TNKS: variants seen among roughly 807,000 people sequenced by gnomAD.
TNKS encodes tankyrase, also known as poly [ADP-ribose] polymerase tankyrase-1.
Under a neutral mutation model 135.8 loss-of-function variants are expected in TNKS, and 72 were observed. That is an observed-to-expected ratio of 0.53 (90% CI 0.44 to 0.64). The LOEUF (loss-of-function observed/expected upper bound fraction) is 0.64, where lower values mean the gene tolerates loss of function less well. Among genes scored for constraint, TNKS ranks in the 30% least tolerant of loss-of-function variants. TNKS has a pLI of 0.00. For missense variants in TNKS, 1,769 were observed against 1,674.0 expected (o/e 1.06, Z -0.99); for synonymous variants, 849 against 649.3 (o/e 1.31, Z -4.68).
intron 5 of TNKS, among the ~76,000 whole-genome samples, chr8:9,682,183 C>T (rs1448972868): frequency 1.3e-5 from 2 of 152,040 alleles, no homozygotes; most frequent in Non-Finnish European, 2.9e-5. Context: ...AGAAAAGGGC[C>T]TTCTTATCTG....
At chr8:9,705,078 A>G (rs780455740) in intron 6 of TNKS, among the ~76,000 whole-genome samples, 1 of 152,214 alleles carries the variant, frequency 6.6e-6, no homozygotes, top group Non-Finnish European at 1.5e-5. Context: ...ATGAAAATCC[A>G]GTAGCATAGC....
intron 3 of TNKS, among the ~76,000 whole-genome samples, chr8:9,655,633 G>A (rs1801329680): frequency 6.6e-6 from 1 of 152,124 alleles, no homozygotes; most frequent in Non-Finnish European, 1.5e-5. Flanking sequence ...AGACAAACAG[G>A]GTCTGGAGTG....
intron 2 of TNKS, among the ~76,000 whole-genome samples, chr8:9,593,458 A>G (rs1798660846): frequency 6.6e-6 from 1 of 152,218 alleles, no homozygotes; most frequent in Non-Finnish European, 1.5e-5. Flanking sequence ...TTCATTCTGT[A>G]AGTCTGCCAA....
intron 13 of TNKS, among the ~76,000 whole-genome samples, chr8:9,728,079 A>T (rs1348097291): frequency 6.6e-6 from 1 of 152,218 alleles, no homozygotes; most frequent in East Asian, 1.9e-4. Flanking sequence ...TTTTTAAAGC[A>T]TACAGTTTTA....
chr8:9,619,495 T>G (rs1799780810), intron 3 of TNKS, among the ~76,000 whole-genome samples: 1 of 152,200 alleles, frequency 6.6e-6, no homozygotes, highest in African/African-American at 2.4e-5. Flanking sequence ...TGAGTGAGTT[T>G]AGATGGTCAC....
chr8:9,626,653 A>C (rs1216861714), intron 3 of TNKS, among the ~76,000 whole-genome samples: 1 of 152,172 alleles, frequency 6.6e-6, no homozygotes, highest in Non-Finnish European at 1.5e-5. Flanking sequence ...TGACGCACTC[A>C]TGCAGGAGAA....
chr8:9,745,235 G>A (rs1806176453), intron 17 of TNKS, among the ~76,000 whole-genome samples: 1 of 152,106 alleles, frequency 6.6e-6, no homozygotes, highest in African/African-American at 2.4e-5. Context: ...ATAATACCAC[G>A]AGTGGTACCT....
intron 26 of TNKS, chr8:9,772,512 C>A: frequency 2.3e-6 from 1 of 432,424 alleles, no homozygotes; most frequent in South Asian, 1.7e-5. Flanking sequence ...AAAAGAAAGG[C>A]TGTGCTAACT....
intron 3 of TNKS, among the ~76,000 whole-genome samples, chr8:9,662,702 A>G (rs1345047016): frequency 1.3e-5 from 2 of 152,212 alleles, no homozygotes; most frequent in African/African-American, 4.8e-5. Flanking sequence ...ATATGTAACA[A>G]ACCTGCACGT....
Position 9,770,280 on chromosome 8 carries a change from C to G in TNKS, c.3897+18C>G, listed in dbSNP as rs570161394. 4 of 1,595,478 alleles carry G rather than the reference C, an allele frequency of 2.5e-6. No homozygotes were observed. Among genetic ancestry groups the G allele is most frequent in the Admixed American group, 3.4e-5 (2 of 58,634 alleles). On this transcript the variant is annotated intron_variant, in intron 26 of 26. Transcript: ENST00000310430. ...GAGAACAGGTATGTTACTCATCAAA[C>G]AAGCATAACCAAGTTCACAAACATG...
At position 9,752,615 on chromosome 8, in the gene TNKS, GA is replaced by G. The variant is rs1806604339; in HGVS notation, c.3145del (p.Thr1049GlnfsTer6). 1 of 1,608,672 alleles carries G rather than the reference GA, an allele frequency of 6.2e-7. No individual in the cohort carries two copies. Among genetic ancestry groups the G allele is most frequent in the Non-Finnish European group, 8.5e-7 (1 of 1,175,886 alleles). ...CCTTGAACACCTTCGGGATATCTTT[GA>G]AACAGAACAGGTAAATACTCTTGTA... is the stretch of plus-strand genomic sequence containing the variant. ...LGLEHLRDIFETEQITLDVLA... is the reference protein window; with the variant it reads ...LGLEHLRDIFXTEQITLDVLA... On this transcript the variant is annotated frameshift_variant, in exon 20 of 27. Transcript: ENST00000310430. LOFTEE classifies it high-confidence loss of function.
chr8:9,589,812 C>T (rs888838836), intron 2 of TNKS, among the ~76,000 whole-genome samples: 42 of 152,262 alleles, frequency 2.8e-4, no homozygotes, highest in African/African-American at 9.6e-4. Context: ...TTCTTTGAAC[C>T]ATCTCATGCC....
rs777986624 is a variant in TNKS, at chr8:9,598,729, G to GTGTGTGTC, written c.899-16848_899-16847insGTCTGTGT. Among the ~76,000 whole-genome samples the GTGTGTGTC allele has an allele frequency of 1.3e-3, 166 of 123,522 alleles. 3 individuals are homozygous for GTGTGTGTC. Among genetic ancestry groups the GTGTGTGTC allele is most frequent in the East Asian group, 0.013 (52 of 4,028 alleles). 81.0% of individuals were successfully genotyped at this position (123,522 alleles called of 152,430 possible). A position where few individuals can be genotyped will look rare whatever the true frequency, so the allele number is the denominator to read the frequency against. On this transcript the variant is annotated intron_variant, in intron 2 of 26. Transcript: ENST00000310430. Reference sequence around the variant, plus strand: ...TATGTGTGTGTGTGTGTGTGTGTGTGTGTGTCTGTGTGTGTATATATGTAT... The same window carrying GTGTGTGTC: ...TATGTGTGTGTGTGTGTGTGTGTGTGTGTGTGTCTGTGTCTGTGTGTGTATATATGTAT...
chr8:9,580,219 G>A lies in TNKS; in HGVS notation c.734G>A (p.Arg245His). ...LLQMGANVHA[R>H]DDGGLIPLHN... is the part of the protein sequence containing the mutation. ...CAGATGGGTGCTAATGTCCACGCTCGTGATGATGGAGGTCTCATCCCGCTT... is the reference window on the plus strand; with the variant it reads ...CAGATGGGTGCTAATGTCCACGCTCATGATGATGGAGGTCTCATCCCGCTT... The change falls in exon 2 of 27, where the codon CGT becomes CAT. Residue 245 changes from arginine to histidine, a missense_variant. Physicochemically the swap from Arg to His is conservative, Grantham distance 29. Transcript: ENST00000310430. 6.2e-7 allele frequency: 1 copy of A among 1,614,090 alleles called. No homozygotes were observed. Among genetic ancestry groups the A allele is most frequent in the Non-Finnish European group, 8.5e-7 (1 of 1,180,022 alleles).
Position 9,556,479 on chromosome 8 carries a change from C to T in TNKS, c.540C>T (p.Ser180=). The T allele has an allele frequency of 1.9e-6, 3 of 1,614,062 alleles. No individual in the cohort carries two copies. Among genetic ancestry groups the T allele is most frequent in the Non-Finnish European group, 2.5e-6 (3 of 1,180,026 alleles). The change falls in exon 1 of 27, where the codon AGC becomes AGT. Residue 180 remains serine, a synonymous_variant. Coordinates refer to ENST00000310430, the MANE Select transcript of TNKS (RefSeq NM_003747.3). The part of the protein sequence containing the change: ...AGPGTGVPAV[S]GALRELLEAC... ...CTGGGACAGGGGTCCCAGCAGTGAG[C>T]GGGGCCCTACGGGAACTGCTGGAGG...
chr8:9,597,185 A>G (rs567234266), intron 2 of TNKS, among the ~76,000 whole-genome samples: 3 of 152,348 alleles, frequency 2.0e-5, no homozygotes, highest in Admixed American at 2.0e-4. Context: ...TTTGAGCTTC[A>G]GTTTCTTAAT....
chr8:9,706,963 G>A lies in TNKS; in HGVS notation c.1422G>A (p.Met474Ile). ...GCCATGGCAAAAGTGCTGTGGATATGGCTCCAACTCCGGAGCTTAGGGAGA... is the reference window on the plus strand; with the variant it reads ...GCCATGGCAAAAGTGCTGTGGATATAGCTCCAACTCCGGAGCTTAGGGAGA... ...VNCHGKSAVDMAPTPELRERL... is the reference protein window; with the variant it reads ...VNCHGKSAVDIAPTPELRERL... The change falls in exon 8 of 27, where the codon ATG becomes ATA. Residue 474 changes from methionine (M) to isoleucine (I), a missense_variant. Met to Ile is a conservative substitution (Grantham distance 10). Coordinates refer to ENST00000310430, the MANE Select transcript of TNKS (RefSeq NM_003747.3). The A allele has an allele frequency of 6.2e-7, 1 of 1,610,124 alleles. No individual in the cohort carries two copies. The highest frequency in any genetic ancestry group is 8.5e-7 in the Non-Finnish European group (1 of 1,178,536).
rs1448574556 is a variant in TNKS, at chr8:9,679,892, G to C, written c.995-59G>C. On this transcript the variant is annotated intron_variant, in intron 3 of 26. Transcript: ENST00000310430. ...TTTAATTCTCTATTTGCTGCCTACT[G>C]CATTTCTTAATCTGTCTTCTGCCAA... 4 of 1,358,092 alleles carry C rather than the reference G, an allele frequency of 2.9e-6. No homozygotes were observed. In the South Asian group the frequency reaches 4.7e-5, roughly 16 times the overall value. The allele number at this position is 1,358,092 out of a possible 1,614,324, so 84.1% of individuals were successfully genotyped here. A position where few individuals can be genotyped will look rare whatever the true frequency, so the allele number is the denominator to read the frequency against.
chr8:9,775,316 T>G (rs1052142671), intron 26 of TNKS, among the ~76,000 whole-genome samples: 4 of 151,654 alleles, frequency 2.6e-5, no homozygotes, highest in Admixed American at 1.3e-4. Flanking sequence ...TACAGACTGG[T>G]TACTGAGACT....
Sources: gnomAD v4.1 joint callset for allele counts (sites outside exome capture counted in the v4.1 genomes callset) on GRCh38, gnomAD v4.1.1 for gene constraint, MANE v1.5 for transcripts, NCBI Gene and HGNC (gene_info 2026-07-23, HGNC 2026-07-21) for gene names.